Variants in FAM234B observed in about 807,000 individuals in gnomAD.
The protein encoded by FAM234B is protein FAM234B.
In FAM234B, 33 loss-of-function variants were observed where a neutral mutation model predicts 69.3. That is an observed-to-expected ratio of 0.48 (90% confidence interval 0.36 to 0.64). The LOEUF (loss-of-function observed/expected upper bound fraction) is 0.64, where lower values mean the gene tolerates loss of function less well. Among genes scored for constraint, FAM234B ranks in the 30% least tolerant of loss-of-function variants. The probability of loss-of-function intolerance (pLI) is 0.00; values close to 1 mark genes in which losing one functional copy is unlikely to be tolerated. For missense variants in FAM234B, 697 were observed against 769.7 expected, an observed-to-expected ratio of 0.91 and a Z score of 1.12; for synonymous variants, 306 against 306.9, an observed-to-expected ratio of 1.00 and a Z score of 0.03.
rs1393240468 is a variant in FAM234B, at chr12:13,076,226, C to T, written c.1642+83C>T. 3.9e-6 allele frequency: 4 copies of T among 1,034,016 alleles called. No homozygotes were observed. In the Admixed American group the frequency reaches 5.4e-5, roughly 14 times the overall value. 64.1% of individuals were successfully genotyped at this position (1,034,016 alleles called of 1,614,324 possible). A position where few individuals can be genotyped will look rare whatever the true frequency, so the allele number is the denominator to read the frequency against. ...GCTGTGTGTAATGAGACCATTGCCC[C>T]ACCCAGGGAAGGATGTGTGCTTCTC... On this transcript the variant is annotated intron_variant, in intron 11 of 12. Coordinates refer to ENST00000197268, the MANE Select transcript of FAM234B (RefSeq NM_020853.2).
intron 2 of FAM234B, among the ~76,000 whole-genome samples, chr12:13,056,975 C>A (rs1047108792): frequency 7.6e-5 from 11 of 145,500 alleles, no homozygotes; most frequent in Non-Finnish European, 1.5e-4. Context: ...CTTCTGTGAA[C>A]TGCTTTTTTT....
At chr12:13,053,252 A>G (rs1267094776) in intron 1 of FAM234B, among the ~76,000 whole-genome samples, 14 of 152,144 alleles carry the variant, frequency 9.2e-5, no homozygotes. Flanking sequence ...TTTTGAAAGT[A>G]CTTAATGTTA....
Position 13,081,986 on chromosome 12 carries a change from T to C in FAM234B, c.*1356T>C. 1 of 149,434 alleles carries C rather than the reference T, an allele frequency of 6.7e-6. No individual in the cohort carries two copies. The highest frequency in any genetic ancestry group is 2.0e-4 in the East Asian group (1 of 5,110). The allele number at this position is 149,434 out of a possible 1,614,324, so 9.3% of individuals were successfully genotyped here. A position where few individuals can be genotyped will look rare whatever the true frequency, so the allele number is the denominator to read the frequency against. On this transcript the variant is annotated 3_prime_UTR_variant, in exon 13 of 13. Transcript: ENST00000197268. ...TTTTTTTTTTTTTTTGAGACAGAGT[T>C]TTGCTCTTGTCGCCCAGGCTGGAGT...
intron 1 of FAM234B, among the ~76,000 whole-genome samples, chr12:13,046,102 A>C (rs1182052782): frequency 1.3e-5 from 2 of 152,044 alleles, no homozygotes; most frequent in Admixed American, 1.3e-4. Context: ...CAGATATAGT[A>C]GGCATGTGTT....
At chr12:13,068,493 C>T (rs1366278301) in intron 8 of FAM234B, 46 bp downstream of exon 8, 1 of 1,605,858 alleles carries the variant, frequency 6.2e-7, no homozygotes, top group Admixed American at 1.7e-5. Flanking sequence ...GATCCACTTT[C>T]CCATGTTTAA....
chr12:13,057,103 G>A (rs987880646), intron 2 of FAM234B, among the ~76,000 whole-genome samples: 3 of 151,216 alleles, frequency 2.0e-5, no homozygotes, highest in Admixed American at 6.6e-5. Context: ...TTAGCCTCCC[G>A]TGTAGCTGGG....
chr12:13,050,978 G>C (rs1864870247), intron 1 of FAM234B, among the ~76,000 whole-genome samples: 1 of 152,188 alleles, frequency 6.6e-6, no homozygotes. Context: ...TCTCAATTGA[G>C]TACAAGTTTC....
intron 11 of FAM234B, among the ~76,000 whole-genome samples, chr12:13,078,977 C>T (rs7294408): frequency 0.99 from 146,366 of 148,018 alleles, 72,391 homozygotes; most frequent in East Asian, 1. Context: ...AGGTAATTTA[C>T]AGATTCAATG....
intron 9 of FAM234B, among the ~76,000 whole-genome samples, chr12:13,070,972 T>C (rs962450291): frequency 6.6e-6 from 1 of 152,122 alleles, no homozygotes; most frequent in Non-Finnish European, 1.5e-5. Flanking sequence ...TAAAATGGGG[T>C]GGACTACATG....
At position 13,082,696 on chromosome 12, in the gene FAM234B, AGC is replaced by A. The variant is rs1865250815; in HGVS notation, c.*2067_*2068del. 1 of 152,140 alleles carries A rather than the reference AGC, an allele frequency of 6.6e-6. No individual in the cohort carries two copies. The highest frequency in any genetic ancestry group is 2.4e-5 in the African/African-American group (1 of 41,424). 9.4% of individuals were successfully genotyped at this position (152,140 alleles called of 1,614,324 possible). On this transcript the variant is annotated 3_prime_UTR_variant, in exon 13 of 13. Transcript: ENST00000197268. ...GGGTGGTGGTCCTGTGGTTTGGCTGAGCTGTCCGGGCATAACCTGGTTCTCTG... is the reference window on the plus strand; with the variant it reads ...GGGTGGTGGTCCTGTGGTTTGGCTGATGTCCGGGCATAACCTGGTTCTCTG...
chr12:13,047,377 C>T (rs965599779), intron 1 of FAM234B, among the ~76,000 whole-genome samples: 5 of 152,078 alleles, frequency 3.3e-5, no homozygotes, highest in African/African-American at 1.2e-4. Context: ...GTAACTTAGT[C>T]TTTATATGCC....
chr12:13,067,445 T>A lies in FAM234B; in HGVS notation c.1142+149T>A. On this transcript the variant is annotated intron_variant, in intron 7 of 12. Coordinates refer to ENST00000197268, the MANE Select transcript of FAM234B (RefSeq NM_020853.2). This position sits in a 1 kb window ranked among gnomAD's most constrained non-coding sequence, Gnocchi z 4.7. ...TTAATTTACCATCTTCTGATCTGGT[T>A]AACATGAGTTAGAAATTTTCTTCTC... The A allele has an allele frequency of 1.2e-6, 1 of 825,718 alleles. No homozygotes were observed. The highest frequency in any genetic ancestry group is 1.9e-6 in the Non-Finnish European group (1 of 529,720). The allele number at this position is 825,718 out of a possible 1,614,324, so 51.1% of individuals were successfully genotyped here.
rs551255032 is a variant in FAM234B, at chr12:13,044,678, A to G, written c.37+238A>G. ...GGGGCGAACCCGGAGACGCGCGGGGAGAGGGCGCCGAGCAGGTGTTACGGC... is the reference window on the plus strand; with the variant it reads ...GGGGCGAACCCGGAGACGCGCGGGGGGAGGGCGCCGAGCAGGTGTTACGGC... On this transcript the variant is annotated intron_variant, in intron 1 of 12. Coordinates refer to ENST00000197268, the MANE Select transcript of FAM234B (RefSeq NM_020853.2). This position sits in a 1 kb window ranked among gnomAD's most constrained non-coding sequence, Gnocchi z 5.6. Among the ~76,000 whole-genome samples, 16 of 152,212 alleles carry G rather than the reference A, an allele frequency of 1.1e-4. No individual in the cohort carries two copies. The highest frequency in any genetic ancestry group is 1.0e-3 in the Admixed American group (16 of 15,304).
intron 10 of FAM234B, among the ~76,000 whole-genome samples, chr12:13,075,613 T>C (rs983476560): frequency 1.4e-4 from 21 of 145,824 alleles, no homozygotes; most frequent in African/African-American, 4.5e-4. Context: ...TTTTTCTCTT[T>C]TTTTTTTTTT....
At chr12:13,061,867 A>G in intron 4 of FAM234B, 104 bp downstream of exon 4, 7 of 904,308 alleles carry the variant, frequency 7.7e-6, no homozygotes, top group Non-Finnish European at 1.2e-5. Flanking sequence ...GTGGTGGAGT[A>G]TCTGATTTAC....
At chr12:13,056,323 C>T (rs1417958946) in intron 2 of FAM234B, among the ~76,000 whole-genome samples, 1 of 152,098 alleles carries the variant, frequency 6.6e-6, no homozygotes, top group East Asian at 1.9e-4. Context: ...CTTGCAGAAC[C>T]CTTTGACATT....
rs146836068 is a variant in FAM234B at position 13,078,478 on chromosome 12, T to C, written c.1643-1311T>C. Among the ~76,000 whole-genome samples the C allele has an allele frequency of 9.8e-5, 15 of 152,286 alleles. No individual in the cohort carries two copies. The South Asian group carries it at 1.7e-3, about 17-fold the overall frequency. Reference sequence around the variant, plus strand: ...GAAGCATTCCCTTTGAAAACTGGCATAAGACAGGGATGCCCTCTCTCACCA... The same window carrying C: ...GAAGCATTCCCTTTGAAAACTGGCACAAGACAGGGATGCCCTCTCTCACCA... On this transcript the variant is annotated intron_variant, in intron 11 of 12. Coordinates refer to ENST00000197268, the MANE Select transcript of FAM234B (RefSeq NM_020853.2).
chr12:13,080,346 A>G lies in FAM234B; in HGVS notation c.1864-279A>G, dbSNP rs536509758. On this transcript the variant is annotated intron_variant, in intron 12 of 12. Coordinates refer to ENST00000197268, the MANE Select transcript of FAM234B (RefSeq NM_020853.2). ...GCTAACATCATGCAGGGCTTGTAGC[A>G]GTTACATACTACAAAGAATCATCTT... Among the ~76,000 whole-genome samples the G allele has an allele frequency of 2.0e-5, 3 of 152,306 alleles. No individual in the cohort carries two copies. The South Asian group carries it at 6.2e-4, about 32-fold the overall frequency.
At chr12:13,046,818 T>C (rs1253066739) in intron 1 of FAM234B, among the ~76,000 whole-genome samples, 1 of 152,226 alleles carries the variant, frequency 6.6e-6, no homozygotes, top group Non-Finnish European at 1.5e-5. Context: ...GCTGAGAGCA[T>C]GAGACAGGCT....
Sources: allele counts gnomAD v4.1 joint callset (sites outside exome capture counted in the v4.1 genomes callset), GRCh38; gene constraint gnomAD v4.1.1; non-coding constraint Gnocchi (gnomAD v3.1); transcripts MANE v1.5; gene names NCBI Gene and HGNC (gene_info 2026-07-23, HGNC 2026-07-21).